DDR2: variants seen among roughly 807,000 people sequenced by gnomAD.
DDR2 encodes discoidin domain receptor tyrosine kinase 2.
A neutral mutation model predicts 94.9 loss-of-function variants in DDR2; 27 were observed. That is an observed-to-expected ratio of 0.28 (90% CI 0.21 to 0.39). The LOEUF (loss-of-function observed/expected upper bound fraction) is 0.39, where lower values mean the gene tolerates loss of function less well. Among genes scored for constraint, DDR2 ranks in the 10% least tolerant of loss-of-function variants. DDR2 has a pLI of 1.00. For synonymous variants in DDR2, 382 were observed against 377.2 expected, an observed-to-expected ratio of 1.01 and a Z score of -0.15; for missense variants, 783 against 1,076.0, an observed-to-expected ratio of 0.73 and a Z score of 3.81.
chr1:162,781,923 G>A lies in DDR2; in HGVS notation c.*1677G>A, dbSNP rs1227792311. 2.6e-5 allele frequency: 4 copies of A among 152,250 alleles called. No homozygotes were observed. 9.4% of individuals were successfully genotyped at this position (152,250 alleles called of 1,614,324 possible). On this transcript the variant is annotated 3_prime_UTR_variant, in exon 18 of 18. Coordinates refer to ENST00000367921, the MANE Select transcript of DDR2 (RefSeq NM_006182.4). ...CCTCACCAGTTTACCTTCTACAACA[G>A]TTTCTCAGGAACATGTGTATTTCCC...
intron 1 of DDR2, among the ~76,000 whole-genome samples, chr1:162,642,565 C>T (rs1214028552): frequency 2.0e-5 from 3 of 151,824 alleles, no homozygotes; most frequent in Non-Finnish European, 4.4e-5. Flanking sequence ...GCTGGGATTA[C>T]AGGCGTGAGC....
chr1:162,745,919 T>A (rs2102101467), intron 3 of DDR2, among the ~76,000 whole-genome samples: 1 of 152,360 alleles, frequency 6.6e-6, no homozygotes, highest in East Asian at 1.9e-4. Flanking sequence ...TGTTCTTTTT[T>A]TTCTTACAAT....
chr1:162,754,562 A>G, intron 4 of DDR2, 62 bp from the exon 5 acceptor site: 1 of 1,547,140 alleles, frequency 6.5e-7, no homozygotes, highest in East Asian at 2.2e-5. Flanking sequence ...TTGCCTGTGA[A>G]CCAGTAAACA....
intron 4 of DDR2, 90 bp downstream of exon 4, chr1:162,753,287 G>A: frequency 8.5e-7 from 1 of 1,176,688 alleles, no homozygotes; most frequent in Non-Finnish European, 1.3e-6. Context: ...TGGGGAAGGT[G>A]GTGTTATTGG....
chr1:162,649,251 C>T lies in DDR2; in HGVS notation c.-191-5960C>T, dbSNP rs960758985. ...ATATGGTAATCAACATTTTGACTAT[C>T]CAAGAGAGGGCGAGCTTAGAGCACT... On this transcript the variant is annotated intron_variant, in intron 1 of 17. Coordinates refer to ENST00000367921, the MANE Select transcript of DDR2 (RefSeq NM_006182.4). Among the ~76,000 whole-genome samples the T allele has an allele frequency of 2.0e-5, 3 of 152,194 alleles. No homozygotes were observed. The East Asian group carries it at 5.8e-4, about 29-fold the overall frequency.
At chr1:162,771,905 T>G (rs1265528916) in intron 12 of DDR2, 119 bp from the exon 13 acceptor site, 3 of 1,041,830 alleles carry the variant, frequency 2.9e-6, no homozygotes, top group Non-Finnish European at 4.3e-6. Flanking sequence ...AGTAAGAATG[T>G]CATGAAGCAG....
intron 2 of DDR2, among the ~76,000 whole-genome samples, chr1:162,691,259 A>G (rs571068178): frequency 1.2e-4 from 18 of 152,232 alleles, no homozygotes; most frequent in South Asian, 8.3e-4. Flanking sequence ...GGTTGTAAAG[A>G]TCTCTTGAGG....
intron 2 of DDR2, among the ~76,000 whole-genome samples, chr1:162,705,332 G>A (rs961764226): frequency 1.3e-5 from 2 of 152,246 alleles, no homozygotes; most frequent in Non-Finnish European, 2.9e-5. Flanking sequence ...ATCCCTGAAA[G>A]CGACTGTGTG....
chr1:162,638,310 T>C (rs1656942158), intron 1 of DDR2, among the ~76,000 whole-genome samples: 1 of 152,236 alleles, frequency 6.6e-6, no homozygotes, highest in Non-Finnish European at 1.5e-5. Flanking sequence ...CATGAGCCAC[T>C]GCGCCCGGCC....
intron 2 of DDR2, among the ~76,000 whole-genome samples, chr1:162,684,929 A>G (rs971598322): frequency 6.6e-6 from 1 of 152,062 alleles, no homozygotes; most frequent in Non-Finnish European, 1.5e-5. Context: ...TTTAAAAAGC[A>G]GGAAAATTTG....
chr1:162,672,592 A>G (rs757302434), intron 2 of DDR2, among the ~76,000 whole-genome samples: 4 of 152,206 alleles, frequency 2.6e-5, no homozygotes, highest in Admixed American at 6.5e-5. Context: ...ACATATATAC[A>G]TATAGATTCA....
At chr1:162,651,371 T>C (rs1657680400) in intron 1 of DDR2, among the ~76,000 whole-genome samples, 2 of 152,242 alleles carry the variant, frequency 1.3e-5, no homozygotes, top group South Asian at 4.1e-4. Context: ...AATTGTTCCC[T>C]TTTCTTAGAC....
At chr1:162,686,684 G>A (rs943981975) in intron 2 of DDR2, among the ~76,000 whole-genome samples, 1 of 152,180 alleles carries the variant, frequency 6.6e-6, no homozygotes, top group African/African-American at 2.4e-5. Flanking sequence ...ACATACGTGT[G>A]CATGTGCCTT....
At chr1:162,726,941 A>G (rs1469527692) in intron 3 of DDR2, among the ~76,000 whole-genome samples, 1 of 151,732 alleles carries the variant, frequency 6.6e-6, no homozygotes, top group African/African-American at 2.4e-5. Context: ...TAAGATCAAG[A>G]CATACAATAT....
In DDR2 at chr1:162,781,465, G is replaced by A. The variant is rs1308040730; in HGVS notation, c.*1219G>A. 2 of 152,240 alleles carry A rather than the reference G, an allele frequency of 1.3e-5. No homozygotes were observed. The highest frequency in any genetic ancestry group is 2.1e-4 in the South Asian group (1 of 4,834). 9.4% of individuals were successfully genotyped at this position (152,240 alleles called of 1,614,324 possible). A position where few individuals can be genotyped will look rare whatever the true frequency, so the allele number is the denominator to read the frequency against. ...TGCCACCAGAGGTGAGGAGTCTCTTGTCACTGGAGAGGTTAAGATAGAGGC... is the reference window on the plus strand; with the variant it reads ...TGCCACCAGAGGTGAGGAGTCTCTTATCACTGGAGAGGTTAAGATAGAGGC... On this transcript the variant is annotated 3_prime_UTR_variant, in exon 18 of 18. Transcript: ENST00000367921.
chr1:162,701,995 A>G (rs933225009), intron 2 of DDR2, among the ~76,000 whole-genome samples: 1 of 151,992 alleles, frequency 6.6e-6, no homozygotes, highest in African/African-American at 2.4e-5. Flanking sequence ...TTCTCTTCCC[A>G]CTGGAGCTGT....
intron 4 of DDR2, among the ~76,000 whole-genome samples, 163 bp from the exon 5 acceptor site, chr1:162,754,461 A>G (rs1378288057): frequency 6.6e-6 from 1 of 152,140 alleles, no homozygotes; most frequent in Non-Finnish European, 1.5e-5. Flanking sequence ...CTGACCACAA[A>G]TGGGTACTGT....
chr1:162,648,057 C>T (rs554381408), intron 1 of DDR2, among the ~76,000 whole-genome samples: 1 of 142,652 alleles, frequency 7.0e-6, no homozygotes, highest in African/African-American at 2.6e-5. Flanking sequence ...AGGTTTTTTC[C>T]TTTTTTTTTT....
intron 1 of DDR2, among the ~76,000 whole-genome samples, chr1:162,645,601 G>T (rs901226502): frequency 6.6e-6 from 1 of 152,140 alleles, no homozygotes; most frequent in African/African-American, 2.4e-5. Context: ...TCAGGGTCTG[G>T]TCTATGTTTA....
Sources: allele counts gnomAD v4.1 joint callset (sites outside exome capture counted in the v4.1 genomes callset), GRCh38; gene constraint gnomAD v4.1.1; transcripts MANE v1.5; gene names NCBI Gene and HGNC (gene_info 2026-07-23, HGNC 2026-07-21).